ERBB4: variants seen among roughly 807,000 people sequenced by gnomAD.
The protein encoded by ERBB4 is receptor tyrosine-protein kinase erbB-4.
Under a neutral mutation model 158.0 loss-of-function variants are expected in ERBB4, and 42 were observed. The observed-to-expected ratio is 0.27, with a 90% CI of 0.21 to 0.34. The LOEUF is 0.34. Among genes scored for constraint, ERBB4 ranks in the 10% least tolerant of loss-of-function variants. ERBB4 has a pLI of 1.00. For synonymous variants in ERBB4, 583 were observed against 558.7 expected (o/e 1.04, Z -0.61); for missense variants, 1,333 against 1,624.1 (o/e 0.82, Z 3.08).
intron 1 of ERBB4, among the ~76,000 whole-genome samples, chr2:212,480,275 C>G (rs1275673185): frequency 1.3e-5 from 2 of 151,926 alleles, no homozygotes; most frequent in Admixed American, 6.6e-5. Context: ...TGTATACTAT[C>G]AAGTACACTT....
chr2:211,956,179 T>A (rs1186070237), intron 2 of ERBB4, among the ~76,000 whole-genome samples: 1 of 152,074 alleles, frequency 6.6e-6, no homozygotes, highest in Non-Finnish European at 1.5e-5. Context: ...TCAATTTTTT[T>A]CCTATCAGAT....
intron 20 of ERBB4, among the ~76,000 whole-genome samples, chr2:211,525,309 G>A (rs1399191059): frequency 1.3e-5 from 2 of 152,102 alleles, no homozygotes; most frequent in Admixed American, 1.3e-4. Flanking sequence ...AAAGGAGAGG[G>A]AAATGTAAGA....
At chr2:212,107,573 A>G (rs1472031550) in intron 2 of ERBB4, among the ~76,000 whole-genome samples, 1 of 152,150 alleles carries the variant, frequency 6.6e-6, no homozygotes, top group Non-Finnish European at 1.5e-5. Flanking sequence ...ATGAGATAAG[A>G]CTTTGGGAGA....
chr2:212,474,839 T>TTTTTTTTTTGTG (rs1245995165), intron 1 of ERBB4, among the ~76,000 whole-genome samples: 2 of 136,160 alleles, frequency 1.5e-5, no homozygotes, highest in African/African-American at 6.8e-5. Context: ...TTTTTTTTTT[T>TTTTTTTTTTGTG]TGTCAAGACA....
intron 20 of ERBB4, among the ~76,000 whole-genome samples, chr2:211,477,494 G>T (rs1443524263): frequency 6.6e-6 from 1 of 152,068 alleles, no homozygotes; most frequent in Admixed American, 6.6e-5. Context: ...ATGTTCATTT[G>T]TTCTATAAAA....
intron 2 of ERBB4, among the ~76,000 whole-genome samples, chr2:212,090,931 A>T (rs190095033): frequency 6.6e-6 from 1 of 152,262 alleles, no homozygotes; most frequent in East Asian, 1.9e-4. Flanking sequence ...TTTTTCTAAC[A>T]ATCTCCACCC....
chr2:211,569,172 T>C (rs892545646), intron 19 of ERBB4, among the ~76,000 whole-genome samples: 4 of 152,216 alleles, frequency 2.6e-5, no homozygotes, highest in African/African-American at 7.2e-5. Context: ...CATTCACCCA[T>C]TGGGTGGCCA....
At chr2:212,056,049 G>T (rs983713172) in intron 2 of ERBB4, among the ~76,000 whole-genome samples, 1 of 152,108 alleles carries the variant, frequency 6.6e-6, no homozygotes, top group Non-Finnish European at 1.5e-5. Flanking sequence ...AGACAAATGG[G>T]TAACTAGAAT....
intron 19 of ERBB4, among the ~76,000 whole-genome samples, chr2:211,600,917 G>A (rs2068780572): frequency 2.0e-5 from 3 of 152,092 alleles, no homozygotes; most frequent in South Asian, 4.2e-4. Flanking sequence ...ACTAAGGTGG[G>A]TAACTCAAAC....
intron 25 of ERBB4, among the ~76,000 whole-genome samples, chr2:211,415,292 A>ATT (rs1252674886): frequency 7.4e-6 from 1 of 135,496 alleles, no homozygotes. Flanking sequence ...AATTTTTTGT[A>ATT]TTTTTTTTAG....
At chr2:212,496,855 A>C (rs1414013179) in intron 1 of ERBB4, among the ~76,000 whole-genome samples, 1 of 152,118 alleles carries the variant, frequency 6.6e-6, no homozygotes, top group Non-Finnish European at 1.5e-5. Flanking sequence ...TTCTTGGACC[A>C]CAGTCAATAC....
At chr2:212,199,992 G>T (rs1342046775) in intron 1 of ERBB4, among the ~76,000 whole-genome samples, 1 of 152,290 alleles carries the variant, frequency 6.6e-6, no homozygotes, top group Admixed American at 6.5e-5. Flanking sequence ...TAGGTAACTA[G>T]AACTGAAGAA....
chr2:211,568,872 T>C (rs905086341), intron 19 of ERBB4, among the ~76,000 whole-genome samples: 7 of 152,128 alleles, frequency 4.6e-5, no homozygotes, highest in African/African-American at 1.7e-4. Flanking sequence ...CACTGGTCCA[T>C]AATAATTTTT....
chr2:211,929,993 T>C lies in ERBB4; in HGVS notation c.421+17437A>G, dbSNP rs551741777. ...TTGCTCAGTTCCAGGTATGTGTCAA[T>C]ATTTATTTTTCTTTAGGAAACTTTG... On this transcript the variant is annotated intron_variant, in intron 3 of 27. Coordinates refer to ENST00000342788, the MANE Select transcript of ERBB4 (RefSeq NM_005235.3). Among the ~76,000 whole-genome samples the C allele has an allele frequency of 2.0e-5, 3 of 152,332 alleles. No individual in the cohort carries two copies. In the South Asian group the frequency reaches 6.2e-4, roughly 32 times the overall value.
At chr2:211,619,051 T>C (rs2069495243) in intron 19 of ERBB4, 126 bp downstream of exon 19, 1 of 668,056 alleles carries the variant, frequency 1.5e-6, no homozygotes, top group Non-Finnish European at 2.7e-6. Flanking sequence ...TCTTTAATTA[T>C]AAGATTATAA....
At chr2:212,390,446 AT>A (rs1028700256) in intron 1 of ERBB4, among the ~76,000 whole-genome samples, 4 of 151,828 alleles carry the variant, frequency 2.6e-5, no homozygotes, top group Admixed American at 6.6e-5. Flanking sequence ...CATTAAAAAA[AT>A]CATATATAAA....
chr2:212,402,378 G>T (rs1239801047), intron 1 of ERBB4, among the ~76,000 whole-genome samples: 2 of 152,060 alleles, frequency 1.3e-5, no homozygotes, highest in Non-Finnish European at 2.9e-5. Flanking sequence ...GGAGGAATGT[G>T]GATGTGGTTA....
chr2:211,691,697 C>T (rs939609009), intron 12 of ERBB4, among the ~76,000 whole-genome samples: 2 of 151,308 alleles, frequency 1.3e-5, no homozygotes, highest in Non-Finnish European at 2.9e-5. Context: ...GAAGAAGGGA[C>T]ATTAAAGCTG....
At chr2:212,162,928 T>C (rs1180034400) in intron 1 of ERBB4, among the ~76,000 whole-genome samples, 7 of 152,090 alleles carry the variant, frequency 4.6e-5, no homozygotes, top group Middle Eastern at 3.4e-3. Flanking sequence ...TAAGTAGTTC[T>C]CTTGGTCTTC....
Sources: gnomAD v4.1 joint callset for allele counts (sites outside exome capture counted in the v4.1 genomes callset) on GRCh38, gnomAD v4.1.1 for gene constraint, MANE v1.5 for transcripts, NCBI Gene and HGNC (gene_info 2026-07-23, HGNC 2026-07-21) for gene names.